Variants in XPA observed in about 807,000 individuals in gnomAD.
XPA encodes the protein DNA repair protein complementing XP-A cells.
Under a neutral mutation model 35.7 loss-of-function variants are expected in XPA, and 27 were observed. The ratio of observed to expected loss-of-function variants is 0.76; its 90% confidence interval spans 0.56 to 1.04. The LOEUF is 1.04. Ranked by LOEUF, XPA falls within the 50% of genes least tolerant of loss-of-function variation. XPA has a pLI of 0.00. For synonymous variants in XPA, 133 were observed against 118.4 expected (o/e 1.12, Z -0.80); for missense variants, 354 against 342.7 (o/e 1.03, Z -0.26).
chr9:97,660,949 C>A, the XPA span: 1 of 1,608,290 alleles, frequency 6.2e-7, no homozygotes, highest in Non-Finnish European at 8.5e-7. Flanking sequence ...TGTTTAGATT[C>A]TCTTCCTGGA....
At chr9:97,654,817 T>C in the XPA span, 2 of 1,343,956 alleles carry the variant, frequency 1.5e-6, no homozygotes, top group Non-Finnish European at 2.1e-6. Flanking sequence ...ATTTCTATTC[T>C]TGTCTATTAC....
chr9:97,695,169 C>T (rs569502050), intron 1 of XPA, among the ~76,000 whole-genome samples: 2 of 152,344 alleles, frequency 1.3e-5, no homozygotes, highest in South Asian at 4.1e-4. Context: ...CACAAGCATT[C>T]ACATAGGTAA....
At chr9:97,684,876 A>G in intron 5 of XPA, 47 bp downstream of exon 5, 1 of 1,527,948 alleles carries the variant, frequency 6.5e-7, no homozygotes, top group East Asian at 2.3e-5. Context: ...GGCTTTTTGC[A>G]AAATGGTAAA....
the XPA span, among the ~76,000 whole-genome samples, chr9:97,664,004 C>T: frequency 5.9e-5 from 9 of 151,554 alleles, no homozygotes; most frequent in African/African-American, 2.2e-4. Flanking sequence ...TACAGTGAAA[C>T]CCCGTCTATA....
intron 1 of XPA, 47 bp downstream of exon 1, chr9:97,697,074 C>T (rs943010953): frequency 6.7e-7 from 1 of 1,501,258 alleles, no homozygotes; most frequent in Non-Finnish European, 8.9e-7. Flanking sequence ...GTCTGGGGAC[C>T]GGGGAGGCGG....
In XPA at chr9:97,697,234, A is replaced by G; in HGVS notation, c.59T>C (p.Leu20Pro). The G allele has an allele frequency of 6.2e-7, 1 of 1,601,040 alleles. No individual in the cohort carries two copies. The highest frequency in any genetic ancestry group is 8.5e-7 in the Non-Finnish European group (1 of 1,179,108). ...GATACTCGCCCGCACCGAGGCAGGC[A>G]GCTCCGCGGGTTGCTCTAAAGCCGC... ...EAAALEQPAE[L>P]PASVRASIER... Residue 20 changes from leucine (L) to proline (P), a missense_variant, in exon 1 of 6, where the codon CTG (leucine) becomes CCG (proline). Transcript: ENST00000375128.
intron 5 of XPA, among the ~76,000 whole-genome samples, chr9:97,681,773 T>C (rs943351582): frequency 2.0e-5 from 3 of 152,178 alleles, no homozygotes; most frequent in African/African-American, 7.2e-5. Context: ...TTCTGTAATG[T>C]GTAACAGTCC....
At chr9:97,680,658 TAAAA>T (rs773779466) in intron 5 of XPA, among the ~76,000 whole-genome samples, 3 of 152,062 alleles carry the variant, frequency 2.0e-5, no homozygotes, top group African/African-American at 2.4e-5. Context: ...ATCAGGTAAA[TAAAA>T]AAAATTTAAG....
At chr9:97,676,960 A>C (rs1828385681) in intron 5 of XPA, among the ~76,000 whole-genome samples, 1 of 152,208 alleles carries the variant, frequency 6.6e-6, no homozygotes, top group African/African-American at 2.4e-5. Flanking sequence ...AATTTTACTT[A>C]GGATATTTTC....
chr9:97,660,966 G>A, the XPA span: 1 of 1,611,630 alleles, frequency 6.2e-7, no homozygotes, highest in Non-Finnish European at 8.5e-7. Context: ...TGGACATTCT[G>A]TTGCCCTCTG....
rs1828822299 is a variant in XPA, at chr9:97,689,630, A to G, written c.293T>C (p.Met98Thr). ...GKVVHQPGPV[M>T]EFDYVICEEC... is the part of the protein sequence containing the mutation. ...TTCGCATATTACATAATCAAATTCC[A>G]TAACAGGTCCTAAGAAAAGGAAAAT... The change falls in exon 3 of 6, where the codon ATG (methionine) becomes ACG (threonine). Residue 98 changes from methionine (M) to threonine (T), a missense_variant. Coordinates refer to ENST00000375128, the MANE Select transcript of XPA (RefSeq NM_000380.4). 1.2e-6 allele frequency: 2 copies of G among 1,600,248 alleles called. No homozygotes were observed. The highest frequency in any genetic ancestry group is 1.1e-5 in the South Asian group (1 of 90,598).
chr9:97,670,821 C>G (rs1413552988), downstream of XPA, among the ~76,000 whole-genome samples: 1 of 152,208 alleles, frequency 6.6e-6, no homozygotes, highest in Non-Finnish European at 1.5e-5. Flanking sequence ...ACTGCTGCCA[C>G]TGCCTTGAAT....
At chr9:97,661,258 GCTTA>G in the XPA span, among the ~76,000 whole-genome samples, 6 of 152,116 alleles carry the variant, frequency 3.9e-5, no homozygotes, top group South Asian at 1.2e-3. Context: ...CTGTGATATA[GCTTA>G]CTTAAGAATA....
At chr9:97,658,692 C>T in the XPA span, 4 of 1,613,518 alleles carry the variant, frequency 2.5e-6, no homozygotes, top group African/African-American at 4.0e-5. Context: ...CTTCTCAGCT[C>T]TGTGTCCTGC....
chr9:97,666,736 A>C, the XPA span: 354 of 1,439,944 alleles, frequency 2.5e-4, no homozygotes, highest in Non-Finnish European at 3.2e-4. Flanking sequence ...CTTGACATAC[A>C]GTAACCAAAT....
the XPA span, chr9:97,668,711 G>A: frequency 0.036 from 31,368 of 881,480 alleles, 4,787 homozygotes; most frequent in African/African-American, 0.4. Flanking sequence ...TGTGGGTGGC[G>A]GGGTGGGGGG....
At chr9:97,656,201 C>A in the XPA span, 1 of 850,822 alleles carries the variant, frequency 1.2e-6, no homozygotes, top group Non-Finnish European at 1.8e-6. Flanking sequence ...CATCTTCCAT[C>A]CCATTTTTAA....
chr9:97,657,208 C>T, the XPA span, among the ~76,000 whole-genome samples: 12 of 152,128 alleles, frequency 7.9e-5, no homozygotes, highest in African/African-American at 2.2e-4. Flanking sequence ...CCTCGTGATC[C>T]GCCCGCCTCG....
At chr9:97,681,441 C>T (rs1828535532) in intron 5 of XPA, among the ~76,000 whole-genome samples, 1 of 152,166 alleles carries the variant, frequency 6.6e-6, no homozygotes, top group Admixed American at 6.5e-5. Flanking sequence ...AATATAACCA[C>T]AGGCCCACAA....
Sources: allele counts gnomAD v4.1 joint callset (sites outside exome capture counted in the v4.1 genomes callset), GRCh38; gene constraint gnomAD v4.1.1; transcripts MANE v1.5; gene names NCBI Gene and HGNC (gene_info 2026-07-23, HGNC 2026-07-21).